Variants in VPS54 observed in about 807,000 individuals in gnomAD.
The protein encoded by VPS54 is VPS54 subunit of GARP complex.
A neutral mutation model predicts 121.5 loss-of-function variants in VPS54; 45 were observed. That is an observed-to-expected ratio of 0.37 (90% CI 0.29 to 0.47). The LOEUF (loss-of-function observed/expected upper bound fraction) is 0.47, where lower values mean the gene tolerates loss of function less well. VPS54 is among the 20% of genes least tolerant of loss of function. VPS54 has a pLI of 0.99. For synonymous variants in VPS54, 371 were observed against 385.8 expected, an observed-to-expected ratio of 0.96 and a Z score of 0.45; for missense variants, 1,090 against 1,131.4, an observed-to-expected ratio of 0.96 and a Z score of 0.52.
intron 1 of VPS54, among the ~76,000 whole-genome samples, chr2:64,001,160 C>G (rs62136436): frequency 0.018 from 2,701 of 152,322 alleles, 40 homozygotes; most frequent in South Asian, 0.078. Context: ...GCCACCACCA[C>G]CAAAGGCCCA....
chr2:63,985,048 G>C (rs1464737303), intron 1 of VPS54, among the ~76,000 whole-genome samples: 2 of 152,232 alleles, frequency 1.3e-5, no homozygotes, highest in African/African-American at 4.8e-5. Flanking sequence ...GGCTGGCACA[G>C]TGGCTCATGC....
At chr2:63,923,318 GAAAA>G (rs60458621) in intron 12 of VPS54, among the ~76,000 whole-genome samples, 2 of 150,064 alleles carry the variant, frequency 1.3e-5, no homozygotes, top group African/African-American at 4.9e-5. Context: ...AAAAAAAAAA[GAAAA>G]AAAAATTATT....
chr2:63,897,551 A>C lies in VPS54; in HGVS notation c.2773T>G (p.Leu925Val). The C allele has an allele frequency of 6.3e-7, 1 of 1,597,230 alleles. No individual in the cohort carries two copies. Among genetic ancestry groups the C allele is most frequent in the Admixed American group, 1.7e-5 (1 of 57,644 alleles). The change falls in exon 22 of 23, where the codon TTG becomes GTG. Residue 925 changes from leucine (L) to valine (V), a missense_variant. Around this residue, in one of 2 missense-constraint regions of VPS54, gnomAD observed 289 missense variants for 374.4 expected, o/e 0.77. Coordinates refer to ENST00000272322, the MANE Select transcript of VPS54 (RefSeq NM_016516.3). Reference sequence around the variant, plus strand: ...TTTAAGTGAGATAACTGCTTTTTCAAGTGGAGTTTATAACTTGCATTAATT... The same window carrying C: ...TTTAAGTGAGATAACTGCTTTTTCACGTGGAGTTTATAACTTGCATTAATT... Reference protein sequence around the residue: ...LRINASYKLHLKKQLSHLNVI... With the variant: ...LRINASYKLHVKKQLSHLNVI...
At chr2:63,986,713 C>T (rs769059695) in intron 1 of VPS54, among the ~76,000 whole-genome samples, 1 of 152,164 alleles carries the variant, frequency 6.6e-6, no homozygotes, top group Non-Finnish European at 1.5e-5. Flanking sequence ...TACCACTAAC[C>T]GTATGAGGGT....
Position 63,964,988 on chromosome 2 carries a change from C to G in VPS54, c.624+847G>C, listed in dbSNP as rs181293470. 2.0e-4 allele frequency among the ~76,000 whole-genome samples: 31 copies of G among 152,208 alleles called. No individual in the cohort carries two copies. In the East Asian group the frequency reaches 5.8e-3, roughly 28 times the overall value. On this transcript the variant is annotated intron_variant, in intron 6 of 22. Coordinates refer to ENST00000272322, the MANE Select transcript of VPS54 (RefSeq NM_016516.3). ...GACTTTCAAGGTGCTGACTTCTGGA[C>G]TATGACATTGTAAAACGTAAAGAAC...
intron 3 of VPS54, among the ~76,000 whole-genome samples, chr2:63,974,481 C>T (rs1056337719): frequency 1.3e-5 from 2 of 152,164 alleles, no homozygotes; most frequent in African/African-American, 4.8e-5. Flanking sequence ...AAGAAACCAA[C>T]TGCTAGGATT....
chr2:63,904,214 C>T (rs1383532490), intron 20 of VPS54, among the ~76,000 whole-genome samples: 6 of 151,848 alleles, frequency 4.0e-5, no homozygotes, highest in Middle Eastern at 3.2e-3. Flanking sequence ...CCGAGGTGGG[C>T]GGATCACTTG....
intron 20 of VPS54, among the ~76,000 whole-genome samples, chr2:63,904,496 T>C (rs6717532): frequency 0.94 from 138,030 of 146,646 alleles, 65,208 homozygotes; most frequent in African/African-American, 0.98. Context: ...TAAGAAAACA[T>C]AGTAATCCTA....
chr2:63,983,191 C>T (rs2104617951), intron 2 of VPS54, among the ~76,000 whole-genome samples: 1 of 151,408 alleles, frequency 6.6e-6, no homozygotes, highest in East Asian at 1.9e-4. Flanking sequence ...CGTTCTGTCA[C>T]CCAGGCTGGA....
intron 1 of VPS54, among the ~76,000 whole-genome samples, chr2:63,996,226 G>A (rs548765302): frequency 2.8e-4 from 43 of 152,144 alleles, no homozygotes; most frequent in Non-Finnish European, 5.1e-4. Context: ...ATTTGTTAGT[G>A]CTCCAAATTA....
chr2:63,988,025 G>C (rs1002200150), intron 1 of VPS54, among the ~76,000 whole-genome samples: 6 of 152,116 alleles, frequency 3.9e-5, no homozygotes, highest in Non-Finnish European at 8.8e-5. Flanking sequence ...TCTCCTGTCT[G>C]ACTGCTCCGG....
intron 12 of VPS54, among the ~76,000 whole-genome samples, chr2:63,931,498 A>C (rs1674199686): frequency 6.6e-6 from 1 of 152,242 alleles, no homozygotes; most frequent in South Asian, 2.1e-4. Flanking sequence ...ATATACAAAA[A>C]TCAACTCAAG....
In VPS54 at chr2:64,013,732, A is replaced by G. The variant is rs554348572; in HGVS notation, c.-21+5206T>C. 1.8e-4 allele frequency among the ~76,000 whole-genome samples: 26 copies of G among 148,336 alleles called. No homozygotes were observed. In the South Asian group the frequency reaches 5.0e-3, roughly 29 times the overall value. On this transcript the variant is annotated intron_variant, in intron 1 of 22. Coordinates refer to ENST00000272322, the MANE Select transcript of VPS54 (RefSeq NM_016516.3). The stretch of plus-strand genomic sequence containing the variant: ...ATATATCATATAGAGAGATATATAT[A>G]TATCATATATAATACCAATCAATAC...
At chr2:63,918,758 C>T (rs994535910) in intron 15 of VPS54, among the ~76,000 whole-genome samples, 1 of 151,938 alleles carries the variant, frequency 6.6e-6, no homozygotes, top group Non-Finnish European at 1.5e-5. Context: ...CTGTAAATCA[C>T]CCTCTCTCTC....
intron 11 of VPS54, among the ~76,000 whole-genome samples, chr2:63,940,209 A>G (rs1674654816): frequency 6.6e-6 from 1 of 152,078 alleles, no homozygotes; most frequent in Non-Finnish European, 1.5e-5. Context: ...GTTCTTTCCA[A>G]TTTTTAGTTA....
chr2:63,912,768 CCA>C (rs1673208572), intron 18 of VPS54, 107 bp from the exon 19 acceptor site: 7 of 1,351,744 alleles, frequency 5.2e-6, no homozygotes, highest in Non-Finnish European at 6.9e-6. Context: ...TTATAAAGAA[CCA>C]GTTTATTTCA....
intron 15 of VPS54, among the ~76,000 whole-genome samples, chr2:63,917,666 T>C (rs1422188898): frequency 2.0e-5 from 3 of 152,058 alleles, no homozygotes; most frequent in East Asian, 1.9e-4. Context: ...TTGAGAGCTA[T>C]ATATATTGCA....
At chr2:63,932,175 T>C (rs1455461122) in intron 12 of VPS54, among the ~76,000 whole-genome samples, 1 of 152,228 alleles carries the variant, frequency 6.6e-6, no homozygotes, top group Non-Finnish European at 1.5e-5. Context: ...CAAAGGATTA[T>C]AAATGATTCT....
chr2:63,950,728 G>C (rs1219922929), intron 7 of VPS54, among the ~76,000 whole-genome samples: 1 of 152,132 alleles, frequency 6.6e-6, no homozygotes, highest in Non-Finnish European at 1.5e-5. Context: ...ATCCCTTCCT[G>C]TCTTAAATCC....
Sources: allele counts gnomAD v4.1 joint callset (sites outside exome capture counted in the v4.1 genomes callset), GRCh38; gene constraint gnomAD v4.1.1; regional missense constraint gnomAD v4.1.1; transcripts MANE v1.5; gene names NCBI Gene and HGNC (gene_info 2026-07-23, HGNC 2026-07-21).